The following PHF24 variants were observed in gnomAD, a reference collection of about 807,000 sequenced individuals.
PHF24 encodes the protein PHD finger protein 24, also known as Galpha inhibitory interacting protein.
Under a neutral mutation model 42.6 loss-of-function variants are expected in PHF24, and 25 were observed. The observed-to-expected ratio is 0.59, with a 90% CI of 0.43 to 0.82. The LOEUF (loss-of-function observed/expected upper bound fraction) is 0.82, where lower values mean the gene tolerates loss of function less well. Among genes scored for constraint, PHF24 ranks in the 40% least tolerant of loss-of-function variants. The pLI, the probability that PHF24 is intolerant of heterozygous loss-of-function variation, is 0.00. For missense variants in PHF24, 470 were observed against 538.1 expected (o/e 0.87, Z 1.25); for synonymous variants, 185 against 204.8 (o/e 0.90, Z 0.83).
At chr9:34,719,006 T>G in the PHF24 span, among the ~76,000 whole-genome samples, 4 of 152,194 alleles carry the variant, frequency 2.6e-5, no homozygotes, top group African/African-American at 9.6e-5. Flanking sequence ...ATTCCTAGCA[T>G]CTACCCCCAA....
exon 2 of PHF24, chr9:34,971,614 C>T (rs756398247): frequency 8.7e-6 from 14 of 1,613,800 alleles, no homozygotes; most frequent in East Asian, 2.2e-5. Flanking sequence ...TGCGTTCATC[C>T]GCCCCACCCG....
chr9:34,733,911 A>G, the PHF24 span, among the ~76,000 whole-genome samples: 1 of 152,146 alleles, frequency 6.6e-6, no homozygotes, highest in Non-Finnish European at 1.5e-5. Context: ...TGATAAATGA[A>G]TGAAGTTAGA....
the PHF24 span, among the ~76,000 whole-genome samples, chr9:34,688,466 G>A: frequency 1.3e-4 from 20 of 152,334 alleles, no homozygotes; most frequent in African/African-American, 4.1e-4. Flanking sequence ...TCTCATCTGG[G>A]GAGATGTCTC....
the PHF24 span, among the ~76,000 whole-genome samples, chr9:34,863,535 A>C: frequency 6.6e-6 from 1 of 152,200 alleles, no homozygotes; most frequent in Admixed American, 6.5e-5. Flanking sequence ...GTCTTATTCA[A>C]GATTACCAAG....
At chr9:34,672,037 T>G in the PHF24 span, among the ~76,000 whole-genome samples, 158 of 152,364 alleles carry the variant, frequency 1.0e-3, no homozygotes, top group African/African-American at 3.7e-3. Flanking sequence ...TTATGATACT[T>G]AAGTGCCAGG....
the PHF24 span, among the ~76,000 whole-genome samples, chr9:34,921,391 A>G: frequency 6.6e-6 from 1 of 152,138 alleles, no homozygotes; most frequent in African/African-American, 2.4e-5. Context: ...AAACCTAAAA[A>G]AAAAGTTAAA....
At chr9:34,884,572 G>A in the PHF24 span, among the ~76,000 whole-genome samples, 1 of 152,134 alleles carries the variant, frequency 6.6e-6, no homozygotes, top group Non-Finnish European at 1.5e-5. Flanking sequence ...AGAGCATGTG[G>A]AAATTTAGGG....
At chr9:34,953,739 G>A (rs1826310186), upstream of PHF24, among the ~76,000 whole-genome samples, 1 of 152,116 alleles carries the variant, frequency 6.6e-6, no homozygotes, top group African/African-American at 2.4e-5. The surrounding 1 kb of genome is among the most constrained non-coding windows in gnomAD (Gnocchi z 4.1). Flanking sequence ...GAGGCCAGGA[G>A]TTTGAGATCA....
the PHF24 span, among the ~76,000 whole-genome samples, chr9:34,743,211 A>G: frequency 6.6e-6 from 1 of 152,242 alleles, no homozygotes; most frequent in African/African-American, 2.4e-5. Flanking sequence ...ATAAAAAATC[A>G]TGTCTTTTAG....
chr9:34,704,192 A>C, the PHF24 span, among the ~76,000 whole-genome samples: 1 of 142,348 alleles, frequency 7.0e-6, no homozygotes, highest in African/African-American at 2.5e-5. Context: ...GTGCCTGGCT[A>C]ATTCTTTCTT....
the PHF24 span, chr9:34,838,215 A>G: frequency 1.7e-6 from 1 of 603,176 alleles, no homozygotes; most frequent in Non-Finnish European, 3.0e-6. Context: ...GGAAAAGACT[A>G]TATAAAAGTA....
chr9:34,826,559 T>C, the PHF24 span, among the ~76,000 whole-genome samples: 439 of 152,332 alleles, frequency 2.9e-3, no homozygotes, highest in African/African-American at 1.0e-2. Flanking sequence ...TGAGCAGGTA[T>C]AGAAGTGAAG....
the PHF24 span, among the ~76,000 whole-genome samples, chr9:34,933,724 CAAAAAA>C: frequency 2.7e-5 from 3 of 110,590 alleles, no homozygotes; most frequent in Non-Finnish European, 3.8e-5. Context: ...GACTCTGTCT[CAAAAAA>C]AAAAAAACAA....
the PHF24 span, among the ~76,000 whole-genome samples, chr9:34,788,485 C>A: frequency 6.6e-6 from 1 of 152,230 alleles, no homozygotes; most frequent in South Asian, 2.1e-4. Context: ...CTCTGAGCTA[C>A]AGTAATGCTG....
the PHF24 span, among the ~76,000 whole-genome samples, chr9:34,703,227 C>T: frequency 4.0e-5 from 6 of 151,540 alleles, no homozygotes; most frequent in Non-Finnish European, 7.4e-5. Context: ...CAGGCTGGAG[C>T]GCAATGGTGT....
chr9:34,961,410 C>T (rs1465658094), intron 1 of PHF24, among the ~76,000 whole-genome samples: 1 of 152,154 alleles, frequency 6.6e-6, no homozygotes, highest in Non-Finnish European at 1.5e-5. Flanking sequence ...TTAGCACATC[C>T]CCCTCCATTC....
chr9:34,866,355 T>C, the PHF24 span, among the ~76,000 whole-genome samples: 1 of 152,148 alleles, frequency 6.6e-6, no homozygotes, highest in African/African-American at 2.4e-5. Flanking sequence ...CGTGGAATAA[T>C]TTTTCTTCAT....
chr9:34,971,172 C>G, intron 1 of PHF24, 123 bp from the exon 2 acceptor site: 1 of 990,464 alleles, frequency 1.0e-6, no homozygotes, highest in Non-Finnish European at 1.5e-6. Context: ...GCTGTCTCCA[C>G]CCCCACCATG....
At chr9:34,793,772 C>T in the PHF24 span, among the ~76,000 whole-genome samples, 7 of 69,996 alleles carry the variant, frequency 1.0e-4, no homozygotes, top group Non-Finnish European at 1.8e-4. Context: ...TGCTTCTCCT[C>T]TGTTTCTTTT....
Sources: gnomAD v4.1 joint callset for allele counts (sites outside exome capture counted in the v4.1 genomes callset) on GRCh38, gnomAD v4.1.1 for gene constraint, Gnocchi (gnomAD v3.1) non-coding constraint, MANE v1.5 for transcripts, NCBI Gene and HGNC (gene_info 2026-07-23, HGNC 2026-07-21) for gene names.